The following ANKRD13C variants were observed in gnomAD, a reference collection of about 807,000 sequenced individuals.
The protein encoded by ANKRD13C is ankyrin repeat domain-containing protein 13C.
In ANKRD13C, 16 loss-of-function variants were observed where a neutral mutation model predicts 65.5. The observed-to-expected ratio is 0.24, with a 90% CI of 0.17 to 0.37. The LOEUF (loss-of-function observed/expected upper bound fraction) is 0.37. ANKRD13C is among the 10% of genes least tolerant of loss of function. ANKRD13C has a pLI of 1.00. For missense variants in ANKRD13C, 503 were observed against 655.9 expected, an observed-to-expected ratio of 0.77 and a Z score of 2.55; for synonymous variants, 235 against 238.7, an observed-to-expected ratio of 0.98 and a Z score of 0.14.
At chr1:70,300,942 A>C in intron 6 of ANKRD13C, 34 bp from the exon 7 acceptor site, 1 of 1,576,374 alleles carries the variant, frequency 6.3e-7, no homozygotes, top group Non-Finnish European at 8.6e-7. Flanking sequence ...AACTCTGACA[A>C]ATATAATTTT....
rs370331975 is a variant in ANKRD13C, at chr1:70,262,191, C to T, written c.*526G>A. On this transcript the variant is annotated 3_prime_UTR_variant, in exon 13 of 13. Coordinates refer to ENST00000370944, the MANE Select transcript of ANKRD13C (RefSeq NM_030816.5). ...CTTCTAGTTCATTATATTGAACAAACATTCAAATTACTGAACTATACATAA... is the reference window on the plus strand; with the variant it reads ...CTTCTAGTTCATTATATTGAACAAATATTCAAATTACTGAACTATACATAA... 1 of 152,488 alleles carries T rather than the reference C, an allele frequency of 6.6e-6. No homozygotes were observed. The highest frequency in any genetic ancestry group is 1.5e-5 in the Non-Finnish European group (1 of 67,976). 9.4% of individuals were successfully genotyped at this position (152,488 alleles called of 1,614,324 possible). A position where few individuals can be genotyped will look rare whatever the true frequency, so the allele number is the denominator to read the frequency against.
intron 2 of ANKRD13C, among the ~76,000 whole-genome samples, chr1:70,328,883 C>T (rs1046731933): frequency 2.0e-5 from 3 of 152,014 alleles, no homozygotes; most frequent in Non-Finnish European, 2.9e-5. Context: ...TAAAAACAAA[C>T]GGACCCATCT....
rs1678319952 is a variant in ANKRD13C at position 70,259,246 on chromosome 1, T to C, written c.*3471A>G. On this transcript the variant is annotated 3_prime_UTR_variant, in exon 13 of 13. Coordinates refer to ENST00000370944, the MANE Select transcript of ANKRD13C (RefSeq NM_030816.5). ...AGGTAAATAAGTGGTGGGTTTTATC[T>C]TTTTGGTTTTATGTTAGACAATATT... Among the ~76,000 whole-genome samples the C allele has an allele frequency of 6.6e-6, 1 of 152,200 alleles. No individual in the cohort carries two copies. Among genetic ancestry groups the C allele is most frequent in the Middle Eastern group, 3.2e-3 (1 of 316 alleles).
At chr1:70,264,306 T>C (rs1266207383) in intron 12 of ANKRD13C, among the ~76,000 whole-genome samples, 3 of 151,562 alleles carry the variant, frequency 2.0e-5, no homozygotes, top group Non-Finnish European at 4.4e-5. Flanking sequence ...TGAAACCCCA[T>C]CTCTAACAAA....
intron 1 of ANKRD13C, among the ~76,000 whole-genome samples, chr1:70,347,015 C>T (rs970564112): frequency 4.3e-5 from 6 of 140,394 alleles, no homozygotes; most frequent in South Asian, 2.4e-4. Flanking sequence ...TGGTGTGAAC[C>T]GGGGAGGCGG....
At chr1:70,276,669 C>G in intron 10 of ANKRD13C, 96 bp downstream of exon 10, 1 of 1,008,092 alleles carries the variant, frequency 9.9e-7, no homozygotes. Flanking sequence ...CAATAATTCT[C>G]TCCAAAATAA....
At chr1:70,290,634 C>T (rs542924529) in intron 9 of ANKRD13C, among the ~76,000 whole-genome samples, 13 of 151,868 alleles carry the variant, frequency 8.6e-5, no homozygotes, top group Non-Finnish European at 1.5e-4. Context: ...CTCAGTCTCC[C>T]GGGCTCAAGT....
chr1:70,282,907 T>A (rs899197283), intron 9 of ANKRD13C, among the ~76,000 whole-genome samples: 1 of 152,186 alleles, frequency 6.6e-6, no homozygotes, highest in Non-Finnish European at 1.5e-5. Context: ...ACATTTGTCA[T>A]ATGATTAGAT....
In ANKRD13C at chr1:70,262,578, T is replaced by C; in HGVS notation, c.*139A>G. ...AATTCTTATTAGAGGCCCATTTCACTGTATCGTATTACTGATGTGTCGATT... is the reference window on the plus strand; with the variant it reads ...AATTCTTATTAGAGGCCCATTTCACCGTATCGTATTACTGATGTGTCGATT... On this transcript the variant is annotated 3_prime_UTR_variant, in exon 13 of 13. Transcript: ENST00000370944. 1.1e-6 allele frequency: 1 copy of C among 928,310 alleles called. No homozygotes were observed. The highest frequency in any genetic ancestry group is 1.5e-6 in the Non-Finnish European group (1 of 653,714). 57.5% of individuals were successfully genotyped at this position (928,310 alleles called of 1,614,324 possible). A position where few individuals can be genotyped will look rare whatever the true frequency, so the allele number is the denominator to read the frequency against.
intron 1 of ANKRD13C, among the ~76,000 whole-genome samples, chr1:70,336,449 A>G (rs1302038453): frequency 3.9e-5 from 6 of 152,194 alleles, no homozygotes; most frequent in Non-Finnish European, 1.5e-5. Flanking sequence ...AAAATCAGTA[A>G]GACTGAATCC....
chr1:70,285,752 A>C (rs1370428314), intron 9 of ANKRD13C, among the ~76,000 whole-genome samples: 1 of 150,558 alleles, frequency 6.6e-6, no homozygotes. Context: ...CTCAGCCTCC[A>C]GAGTAGCTGG....
At chr1:70,313,001 C>A (rs192098343) in intron 5 of ANKRD13C, among the ~76,000 whole-genome samples, 10 of 152,148 alleles carry the variant, frequency 6.6e-5, no homozygotes, top group African/African-American at 1.7e-4. Flanking sequence ...ATAAAGTATG[C>A]AAGAGGCAAA....
chr1:70,284,403 T>A (rs1029086092), intron 9 of ANKRD13C, among the ~76,000 whole-genome samples: 4 of 152,128 alleles, frequency 2.6e-5, no homozygotes, highest in Admixed American at 2.6e-4. Flanking sequence ...AAATCAAAAA[T>A]ATATTTTTTA....
At position 70,276,843 on chromosome 1, in the gene ANKRD13C, G is replaced by T; in HGVS notation, c.1217C>A (p.Pro406Gln). The change falls in exon 10 of 13, where the codon CCG becomes CAG. Residue 406 changes from proline (P) to glutamine (Q), a missense_variant and splice_region_variant. Physicochemically the swap from Pro to Gln is moderately conservative, Grantham distance 76 (BLOSUM62 -1). Coordinates refer to ENST00000370944, the MANE Select transcript of ANKRD13C (RefSeq NM_030816.5). ...GGNIMEQNFE[P>Q]IRRQSLTPPP... ...AGGTGTAAGAGACTGTCTTCGAATC[G>T]GCTGCCAAAAAAAAAAAAGAAAGAA... 1 of 1,584,022 alleles carries T rather than the reference G, an allele frequency of 6.3e-7. No homozygotes were observed.
chr1:70,264,992 T>C (rs956073054), intron 12 of ANKRD13C, among the ~76,000 whole-genome samples: 11 of 152,076 alleles, frequency 7.2e-5, no homozygotes, highest in Non-Finnish European at 1.5e-4. Flanking sequence ...AAGTATCTGG[T>C]TTAATCTCGG....
chr1:70,273,673 TC>T (rs1226620545), intron 11 of ANKRD13C, among the ~76,000 whole-genome samples: 2 of 151,908 alleles, frequency 1.3e-5, no homozygotes, highest in Non-Finnish European at 1.5e-5. Context: ...TTTTCTTTTT[TC>T]TTTTTTTTTT....
chr1:70,306,234 T>C lies in ANKRD13C; in HGVS notation c.766A>G (p.Ile256Val). 6.4e-7 allele frequency: 1 copy of C among 1,571,414 alleles called. No homozygotes were observed. Among genetic ancestry groups the C allele is most frequent in the Non-Finnish European group, 8.6e-7 (1 of 1,157,244 alleles). The change falls in exon 6 of 13, where the codon ATC (isoleucine) becomes GTC (valine). Residue 256 changes from isoleucine to valine, a missense_variant. This residue lies in a region of ANKRD13C where 300 missense variants were observed against 478.3 expected (regional missense o/e 0.63). Transcript: ENST00000370944. ...ATCAAATCACCTTACCTGATATTGATACCTTGTTTGTATATTTTACATGCA... is the reference window on the plus strand; with the variant it reads ...ATCAAATCACCTTACCTGATATTGACACCTTGTTTGTATATTTTACATGCA... ...SDACKIYKQG[I>V]NIRLDTTLID...
intron 5 of ANKRD13C, among the ~76,000 whole-genome samples, chr1:70,308,621 C>A (rs1284282213): frequency 6.6e-6 from 1 of 151,462 alleles, no homozygotes; most frequent in Admixed American, 6.6e-5. Flanking sequence ...CGCCTGTAGT[C>A]CCAGCTACTC....
At chr1:70,270,697 C>T (rs552874318) in intron 12 of ANKRD13C, among the ~76,000 whole-genome samples, 159 bp downstream of exon 12, 2 of 152,308 alleles carry the variant, frequency 1.3e-5, no homozygotes, top group Non-Finnish European at 2.9e-5. Context: ...ACTAGCCTGC[C>T]GCTCAGCTCA....
Sources: gnomAD v4.1 joint callset for allele counts (sites outside exome capture counted in the v4.1 genomes callset) on GRCh38, gnomAD v4.1.1 for gene constraint, gnomAD v4.1.1 regional missense constraint, MANE v1.5 for transcripts, NCBI Gene and HGNC (gene_info 2026-07-23, HGNC 2026-07-21) for gene names.